PPFIBP2: variants seen among roughly 807,000 people sequenced by gnomAD.
The protein encoded by PPFIBP2 is PPFIB scaffold protein 2.
A neutral mutation model predicts 118.3 loss-of-function variants in PPFIBP2; 118 were observed. The observed-to-expected ratio is 1.00, with a 90% confidence interval of 0.86 to 1.16. PPFIBP2 has a LOEUF of 1.16. Among genes scored for constraint, PPFIBP2 ranks in the 50% most tolerant of loss-of-function variants. The pLI, the probability that PPFIBP2 is intolerant of heterozygous loss-of-function variation, is 0.00. For missense variants in PPFIBP2, 1,195 were observed against 1,073.1 expected, an observed-to-expected ratio of 1.11 and a Z score of -1.59; for synonymous variants, 414 against 397.4, an observed-to-expected ratio of 1.04 and a Z score of -0.50.
chr11:7,565,088 G>T (rs1465170930), intron 2 of PPFIBP2, among the ~76,000 whole-genome samples: 5 of 152,206 alleles, frequency 3.3e-5, no homozygotes, highest in Non-Finnish European at 7.3e-5. Context: ...CCCTAGTGAG[G>T]ACTGGCTGTG....
chr11:7,639,772 C>G lies in PPFIBP2; in HGVS notation c.1277C>G (p.Pro426Arg). 6.2e-7 allele frequency: 1 copy of G among 1,614,144 alleles called. No individual in the cohort carries two copies. The highest frequency in any genetic ancestry group is 1.1e-5 in the South Asian group (1 of 91,064). Residue 426 changes from proline to arginine, a missense_variant, in exon 15 of 24, where the codon CCT becomes CGT. Coordinates refer to ENST00000299492, the MANE Select transcript of PPFIBP2 (RefSeq NM_003621.5). ...FLAEHKYPTL[P>R]GKLSGATPNG... ...GCGGAGCACAAATATCCCACTTTAC[C>G]TGGGAAGCTTTCAGGAGCCACGCCC... is the stretch of plus-strand genomic sequence containing the variant.
At chr11:7,613,921 C>G (rs1848349142) in intron 6 of PPFIBP2, among the ~76,000 whole-genome samples, 1 of 152,174 alleles carries the variant, frequency 6.6e-6, no homozygotes, top group Non-Finnish European at 1.5e-5. Flanking sequence ...AGGGAAGAAT[C>G]TTTAGGATTT....
chr11:7,631,353 C>T (rs757496422), intron 11 of PPFIBP2: 11 of 230,198 alleles, frequency 4.8e-5, no homozygotes, highest in Non-Finnish European at 8.7e-5. Context: ...ATTTATCTAC[C>T]ACCCTTTCTC....
At chr11:7,548,597 G>GGGCAGAGAAAGTTCTGATC (rs1852596210) in intron 1 of PPFIBP2, 1 of 152,248 alleles carries the variant, frequency 6.6e-6, no homozygotes, top group Non-Finnish European at 1.5e-5. Context: ...GAGGCTGCAG[G>GGGCAGAGAAAGTTCTGATC]AAGAGGGTTT....
chr11:7,620,186 C>T (rs1038462551), intron 6 of PPFIBP2, among the ~76,000 whole-genome samples: 5 of 152,136 alleles, frequency 3.3e-5, no homozygotes, highest in Non-Finnish European at 5.9e-5. Context: ...TCAGTGACTC[C>T]CTACTGCCCA....
At chr11:7,600,839 A>G (rs552002397) in intron 5 of PPFIBP2, among the ~76,000 whole-genome samples, 6 of 152,350 alleles carry the variant, frequency 3.9e-5, no homozygotes, top group Admixed American at 6.5e-5. Flanking sequence ...CAAAATCCAG[A>G]TCTAAAGAGT....
chr11:7,517,903 G>A lies in PPFIBP2; in HGVS notation c.-37+3782G>A, dbSNP rs187406807. ...ATGGGGGGCGGTCCCTGCAGGGGCC[G>A]CTCATAGTCCGACTTCCAGTGGGGT... On this transcript the variant is annotated intron_variant, in intron 1 of 23. Coordinates refer to ENST00000299492, the MANE Select transcript of PPFIBP2 (RefSeq NM_003621.5). 8.7e-4 allele frequency among the ~76,000 whole-genome samples: 133 copies of A among 152,308 alleles called. 1 individual carries two copies. The highest frequency in any genetic ancestry group is 3.2e-3 in the African/African-American group (131 of 41,566).
At chr11:7,579,950 TA>T (rs113895199) in intron 3 of PPFIBP2, among the ~76,000 whole-genome samples, 37 of 143,886 alleles carry the variant, frequency 2.6e-4, no homozygotes, top group South Asian at 6.7e-4. Context: ...AAAATCTTCT[TA>T]AAAAAAAAAA....
chr11:7,610,211 C>T, intron 5 of PPFIBP2, 80 bp from the exon 6 acceptor site: 1 of 1,497,656 alleles, frequency 6.7e-7, no homozygotes, highest in Non-Finnish European at 9.2e-7. Context: ...TTAGGTGTTG[C>T]CTTATGTGCT....
At chr11:7,556,336 T>C (rs1853630080) in intron 2 of PPFIBP2, among the ~76,000 whole-genome samples, 1 of 152,106 alleles carries the variant, frequency 6.6e-6, no homozygotes, top group African/African-American at 2.4e-5. Flanking sequence ...GCACTTGTAG[T>C]CCCAGCTACT....
intron 6 of PPFIBP2, 122 bp downstream of exon 6, chr11:7,610,544 G>C: frequency 1.5e-6 from 2 of 1,326,760 alleles, no homozygotes; most frequent in Admixed American, 3.9e-5. Context: ...CTATACACTA[G>C]AGATGCAGTG....
At chr11:7,643,836 TATTTG>T (rs1203942786) in intron 17 of PPFIBP2, among the ~76,000 whole-genome samples, 1 of 152,216 alleles carries the variant, frequency 6.6e-6, no homozygotes, top group Non-Finnish European at 1.5e-5. Context: ...TTAAATATGA[TATTTG>T]ATAACATTGT....
At chr11:7,559,679 T>G (rs1854073084) in intron 2 of PPFIBP2, among the ~76,000 whole-genome samples, 1 of 152,192 alleles carries the variant, frequency 6.6e-6, no homozygotes, top group Admixed American at 6.5e-5. Flanking sequence ...GTGAATTTTC[T>G]CAGATCCATT....
chr11:7,655,599 A>G, downstream of PPFIBP2: 1 of 972,924 alleles, frequency 1.0e-6, no homozygotes, highest in East Asian at 6.1e-5. Context: ...GGGGACGGCG[A>G]AGAATGGTGC....
At chr11:7,593,286 A>C in intron 4 of PPFIBP2, 62 bp downstream of exon 4, 1 of 1,572,436 alleles carries the variant, frequency 6.4e-7, no homozygotes, top group Non-Finnish European at 8.6e-7. Context: ...GCTTCCCCTA[A>C]GTGGAAGGGA....
At chr11:7,541,554 C>T (rs1200589035) in intron 1 of PPFIBP2, among the ~76,000 whole-genome samples, 1 of 152,228 alleles carries the variant, frequency 6.6e-6, no homozygotes, top group Non-Finnish European at 1.5e-5. Context: ...GTCCATTCCT[C>T]TTCTCCCCGG....
chr11:7,666,253 G>A, the PPFIBP2 span: 226 of 595,854 alleles, frequency 3.8e-4, 1 homozygote, highest in Middle Eastern at 1.3e-3. Flanking sequence ...ACCTGCTCTC[G>A]ATTGCCCTTA....
the PPFIBP2 span, chr11:7,665,344 A>C: frequency 6.8e-7 from 1 of 1,469,026 alleles, no homozygotes; most frequent in Non-Finnish European, 9.1e-7. Flanking sequence ...ATGAAAAGGG[A>C]CATGCAAAAT....
chr11:7,589,369 A>C (rs1263384512), intron 3 of PPFIBP2, among the ~76,000 whole-genome samples: 1 of 152,136 alleles, frequency 6.6e-6, no homozygotes. Flanking sequence ...CAAGGTGGGC[A>C]GATCACAAGG....
Sources: gnomAD v4.1 joint callset for allele counts (sites outside exome capture counted in the v4.1 genomes callset) on GRCh38, gnomAD v4.1.1 for gene constraint, MANE v1.5 for transcripts, NCBI Gene and HGNC (gene_info 2026-07-23, HGNC 2026-07-21) for gene names.